Variants in ZNF678 observed in about 807,000 individuals in gnomAD.
ZNF678 encodes the protein hypothetical protein MGC42493.
ZNF678 carries 5 observed loss-of-function variants against 3.0 expected under a neutral mutation model. That is an observed-to-expected ratio of 1.69 (90% confidence interval 0.88 to 3.56). The LOEUF is 3.56. Among genes scored for constraint, ZNF678 ranks in the 30% most tolerant of loss-of-function variants. The probability of loss-of-function intolerance (pLI) is 0.00; values close to 1 mark genes in which losing one functional copy is unlikely to be tolerated. For synonymous variants in ZNF678, 218 were observed against 199.6 expected, an observed-to-expected ratio of 1.09 and a Z score of -0.78; for missense variants, 593 against 605.0, an observed-to-expected ratio of 0.98 and a Z score of 0.21.
Position 227,657,523 on chromosome 1 carries a change from G to A in ZNF678, c.*1695G>A, listed in dbSNP as rs1659281452. 6.6e-6 allele frequency: 1 copy of A among 151,830 alleles called. No homozygotes were observed. The highest frequency in any genetic ancestry group is 2.4e-5 in the African/African-American group (1 of 41,386). 9.4% of individuals were successfully genotyped at this position (151,830 alleles called of 1,614,324 possible). A position where few individuals can be genotyped will look rare whatever the true frequency, so the allele number is the denominator to read the frequency against. On this transcript the variant is annotated 3_prime_UTR_variant, in exon 4 of 4. Transcript: ENST00000343776. The stretch of plus-strand genomic sequence containing the variant: ...AACCATTATAATTGCCCACTATAAA[G>A]GAGTATAATGAAAGGCCATGTATTT...
chr1:227,630,910 A>G (rs1658532237), intron 1 of ZNF678, among the ~76,000 whole-genome samples: 1 of 152,152 alleles, frequency 6.6e-6, no homozygotes, highest in South Asian at 2.1e-4. Context: ...GTTTGAACAT[A>G]TGGCACTTCA....
At position 227,655,885 on chromosome 1, in the gene ZNF678, G is replaced by A. The variant is rs1659236221; in HGVS notation, c.*57G>A. On this transcript the variant is annotated 3_prime_UTR_variant, in exon 4 of 4. Coordinates refer to ENST00000343776, the MANE Select transcript of ZNF678 (RefSeq NM_001367909.1). The stretch of plus-strand genomic sequence containing the variant: ...TTCATACTGAATAAAAGTGGTATGA[G>A]CATAATGACTGTTTAAGGATGTTTC... 1 of 1,452,352 alleles carries A rather than the reference G, an allele frequency of 6.9e-7. No individual in the cohort carries two copies. Among genetic ancestry groups the A allele is most frequent in the Non-Finnish European group, 9.3e-7 (1 of 1,078,774 alleles). 90.0% of individuals were successfully genotyped at this position (1,452,352 alleles called of 1,614,324 possible).
At chr1:227,630,591 A>T (rs868501259) in intron 1 of ZNF678, among the ~76,000 whole-genome samples, 2 of 152,330 alleles carry the variant, frequency 1.3e-5, no homozygotes, top group Middle Eastern at 3.4e-3. Context: ...GTTATCTGAG[A>T]ATTTACCTGG....
rs1323619583 is a variant in ZNF678 at position 227,658,005 on chromosome 1, T to A, written c.*2177T>A. The A allele has an allele frequency of 6.6e-6, 1 of 152,016 alleles. No individual in the cohort carries two copies. The highest frequency in any genetic ancestry group is 1.5e-5 in the Non-Finnish European group (1 of 67,914). 9.4% of individuals were successfully genotyped at this position (152,016 alleles called of 1,614,324 possible). A position where few individuals can be genotyped will look rare whatever the true frequency, so the allele number is the denominator to read the frequency against. On this transcript the variant is annotated 3_prime_UTR_variant, in exon 4 of 4. Coordinates refer to ENST00000343776, the MANE Select transcript of ZNF678 (RefSeq NM_001367909.1). ...CAAAGTTCATGAAATTTTCTCTATATTCCTGAGAAATTCTAAGAATAACTT... is the reference window on the plus strand; with the variant it reads ...CAAAGTTCATGAAATTTTCTCTATAATCCTGAGAAATTCTAAGAATAACTT...
At chr1:227,590,560 G>T (rs1270304970) in intron 1 of ZNF678, among the ~76,000 whole-genome samples, 1 of 151,888 alleles carries the variant, frequency 6.6e-6, no homozygotes, top group East Asian at 1.9e-4. Flanking sequence ...TCAGGAGGCC[G>T]TTTATCATCT....
At chr1:227,565,674 A>G (rs1465018192) in intron 1 of ZNF678, among the ~76,000 whole-genome samples, 1 of 152,184 alleles carries the variant, frequency 6.6e-6, no homozygotes, top group Non-Finnish European at 1.5e-5. Flanking sequence ...TCTGCTTTTT[A>G]TCTTTCCTAG....
At chr1:227,586,070 C>T (rs1657254217) in intron 1 of ZNF678, among the ~76,000 whole-genome samples, 2 of 151,720 alleles carry the variant, frequency 1.3e-5, no homozygotes, top group African/African-American at 4.8e-5. Flanking sequence ...CGCTACAGGT[C>T]CCAGATAACT....
chr1:227,599,101 T>C lies in ZNF678; in HGVS notation c.-164+35377T>C. Reference sequence around the variant, plus strand: ...CTGAAGACTGGATTGGACCCCTTGATCTCGCCATTGCTATTGGGTTTATAT... The same window carrying C: ...CTGAAGACTGGATTGGACCCCTTGACCTCGCCATTGCTATTGGGTTTATAT... On this transcript the variant is annotated intron_variant, in intron 1 of 3. Coordinates refer to ENST00000343776, the MANE Select transcript of ZNF678 (RefSeq NM_001367909.1). 2.5e-6 allele frequency: 4 copies of C among 1,594,646 alleles called. No homozygotes were observed. In the South Asian group the frequency reaches 4.4e-5, roughly 18 times the overall value.
chr1:227,564,758 G>A (rs1319539710), intron 1 of ZNF678, among the ~76,000 whole-genome samples: 1 of 152,202 alleles, frequency 6.6e-6, no homozygotes, highest in East Asian at 1.9e-4. Flanking sequence ...TTAAGAAGGA[G>A]TCTCGCTCTG....
chr1:227,665,087 C>T (rs80027139), downstream of ZNF678, among the ~76,000 whole-genome samples: 185 of 152,224 alleles, frequency 1.2e-3, 2 homozygotes, highest in African/African-American at 2.0e-3. Context: ...GAAAATTCTT[C>T]GGGTACAAAT....
chr1:227,588,963 T>C (rs1657337200), intron 1 of ZNF678, among the ~76,000 whole-genome samples: 1 of 152,120 alleles, frequency 6.6e-6, no homozygotes, highest in Non-Finnish European at 1.5e-5. Flanking sequence ...TGTCTGTTCA[T>C]GTCCTTTGCC....
At chr1:227,590,525 A>G (rs2102737660) in intron 1 of ZNF678, among the ~76,000 whole-genome samples, 1 of 151,916 alleles carries the variant, frequency 6.6e-6, no homozygotes, top group South Asian at 2.1e-4. Context: ...CCCAAGCGGC[A>G]GGCCCATAGT....
intron 1 of ZNF678, among the ~76,000 whole-genome samples, chr1:227,564,517 C>T (rs1656618411): frequency 6.6e-6 from 1 of 152,182 alleles, no homozygotes; most frequent in Non-Finnish European, 1.5e-5. Flanking sequence ...GTCTTAAATC[C>T]ACTCCTCTGT....
chr1:227,657,331 G>A lies in ZNF678; in HGVS notation c.*1503G>A, dbSNP rs1464939885. 1 of 151,962 alleles carries A rather than the reference G, an allele frequency of 6.6e-6. No homozygotes were observed. Among genetic ancestry groups the A allele is most frequent in the African/African-American group, 2.4e-5 (1 of 41,414 alleles). The allele number at this position is 151,962 out of a possible 1,614,324, so 9.4% of individuals were successfully genotyped here. A position where few individuals can be genotyped will look rare whatever the true frequency, so the allele number is the denominator to read the frequency against. On this transcript the variant is annotated 3_prime_UTR_variant, in exon 4 of 4. Coordinates refer to ENST00000343776, the MANE Select transcript of ZNF678 (RefSeq NM_001367909.1). ...TTAAGCAGATGTTGATGTCATGCTTGTATAGCCAACAGAACTGAGGCTAAT... is the reference window on the plus strand; with the variant it reads ...TTAAGCAGATGTTGATGTCATGCTTATATAGCCAACAGAACTGAGGCTAAT...
At chr1:227,626,341 C>T (rs1253824462) in intron 1 of ZNF678, among the ~76,000 whole-genome samples, 3 of 152,086 alleles carry the variant, frequency 2.0e-5, no homozygotes, top group Non-Finnish European at 4.4e-5. Flanking sequence ...AGATTCTACT[C>T]CAGCCATTTT....
At chr1:227,625,407 A>G (rs1229834561) in intron 1 of ZNF678, among the ~76,000 whole-genome samples, 3 of 152,110 alleles carry the variant, frequency 2.0e-5, no homozygotes, top group African/African-American at 7.2e-5. Flanking sequence ...GGTTCCTTCA[A>G]TGTCATCAAC....
chr1:227,580,228 C>T (rs983836197), intron 1 of ZNF678, among the ~76,000 whole-genome samples: 1 of 151,996 alleles, frequency 6.6e-6, no homozygotes, highest in African/African-American at 2.4e-5. Flanking sequence ...CAGCGCCTTT[C>T]CTCTGAAGAT....
At chr1:227,679,266 C>T (rs1416879407), downstream of ZNF678, among the ~76,000 whole-genome samples, 2 of 151,684 alleles carry the variant, frequency 1.3e-5, no homozygotes, top group Non-Finnish European at 2.9e-5. Flanking sequence ...AAGAGACCAC[C>T]CCTCATATTG....
chr1:227,593,363 C>T (rs1397127150), intron 1 of ZNF678, among the ~76,000 whole-genome samples: 1 of 152,160 alleles, frequency 6.6e-6, no homozygotes, highest in Non-Finnish European at 1.5e-5. Context: ...TTCGATGACC[C>T]TCTAGTAAAA....
Sources: allele counts gnomAD v4.1 joint callset (sites outside exome capture counted in the v4.1 genomes callset), GRCh38; gene constraint gnomAD v4.1.1; transcripts MANE v1.5; gene names NCBI Gene and HGNC (gene_info 2026-07-23, HGNC 2026-07-21).